The following CNN2 variants were observed in gnomAD, a reference collection of about 807,000 sequenced individuals.
CNN2 encodes the protein calponin 2.
In CNN2, 21 loss-of-function variants were observed where a neutral mutation model predicts 31.0. That is an observed-to-expected ratio of 0.68 (90% CI 0.48 to 0.98). The LOEUF (loss-of-function observed/expected upper bound fraction) is 0.98, where lower values mean the gene tolerates loss of function less well. CNN2 is among the 50% of genes least tolerant of loss of function. The pLI is 0.00. For synonymous variants in CNN2, 165 were observed against 179.6 expected, an observed-to-expected ratio of 0.92 and a Z score of 0.65; for missense variants, 399 against 427.3, an observed-to-expected ratio of 0.93 and a Z score of 0.58.
intron 4 of CNN2, 96 bp downstream of exon 4, chr19:1,032,792 T>G: frequency 9.9e-7 from 1 of 1,007,288 alleles, no homozygotes; most frequent in Non-Finnish European, 1.5e-6. Context: ...TGTTTGTTTA[T>G]TTTTGAGTCG....
rs533216399 is a variant in CNN2, at chr19:1,035,953, A to T, written c.391-177A>T. 4.0e-4 allele frequency: 359 copies of T among 895,886 alleles called. 1 individual carries two copies. Among genetic ancestry groups the T allele is most frequent in the Admixed American group, 5.2e-4 (14 of 26,796 alleles). The allele number at this position is 895,886 out of a possible 1,614,324, so 55.5% of individuals were successfully genotyped here. On this transcript the variant is annotated intron_variant, in intron 4 of 6. Coordinates refer to ENST00000263097, the MANE Select transcript of CNN2 (RefSeq NM_004368.4). The stretch of plus-strand genomic sequence containing the variant: ...AAAAATAAAAAACTGAAACAGCTGT[A>T]TGATGGGTGTGTGGAGTGTGTGGAG...
chr19:1,037,471 C>G, intron 6 of CNN2, 154 bp from the exon 7 acceptor site: 1 of 910,078 alleles, frequency 1.1e-6, no homozygotes, highest in East Asian at 2.5e-5. Flanking sequence ...AGGGTTTCAC[C>G]GTGTTGGCCA....
At chr19:1,035,187 C>T (rs2039560510) in intron 4 of CNN2, among the ~76,000 whole-genome samples, 2 of 117,084 alleles carry the variant, frequency 1.7e-5, no homozygotes, top group Non-Finnish European at 3.6e-5. Flanking sequence ...AGACGGGGAG[C>T]GTGGGTGGGA....
chr19:1,033,647 G>T (rs941136597), intron 4 of CNN2, among the ~76,000 whole-genome samples: 2 of 148,780 alleles, frequency 1.3e-5, no homozygotes, highest in Non-Finnish European at 3.0e-5. Context: ...CGGGAGCGTG[G>T]GTGGGACAGT....
Position 1,038,775 on chromosome 19 carries a change from T to G in CNN2, c.*875T>G, listed in dbSNP as rs1265801617. 1 of 152,358 alleles carries G rather than the reference T, an allele frequency of 6.6e-6. No individual in the cohort carries two copies. Among genetic ancestry groups the G allele is most frequent in the Non-Finnish European group, 1.5e-5 (1 of 68,156 alleles). The allele number at this position is 152,358 out of a possible 1,614,324, so 9.4% of individuals were successfully genotyped here. On this transcript the variant is annotated 3_prime_UTR_variant, in exon 7 of 7. Transcript: ENST00000263097. ...TTAGTAGAGATGGGGTTTCCCCATG[T>G]TGGCCAGGCTGGTCTCGAACTCCTG...
rs571874121 is a variant in CNN2 at position 1,026,965 on chromosome 19, C to G, written c.63+241C>G. 753 of 491,834 alleles carry G rather than the reference C, an allele frequency of 1.5e-3. 4 individuals carry two copies. Among genetic ancestry groups the G allele is most frequent in the African/African-American group, 0.012 (600 of 48,490 alleles). The allele number at this position is 491,834 out of a possible 1,614,324, so 30.5% of individuals were successfully genotyped here. A position where few individuals can be genotyped will look rare whatever the true frequency, so the allele number is the denominator to read the frequency against. ...GGGGGACGAGTGACCCATTCCCCCC[C>G]CCAACATCTAGGGGTAGTTGGGTCT... On this transcript the variant is annotated intron_variant, in intron 1 of 6. Transcript: ENST00000263097.
chr19:1,032,872 A>G (rs4630683), intron 4 of CNN2, 176 bp downstream of exon 4: 517,111 of 561,500 alleles, frequency 0.92, 238,433 homozygotes, highest in East Asian at 1. Flanking sequence ...TCCAACTCCC[A>G]GGTTCAAGCG....
At chr19:1,030,478 G>T (rs7255427) in intron 1 of CNN2, among the ~76,000 whole-genome samples, 32,019 of 151,824 alleles carry the variant, frequency 0.21, 4,203 homozygotes, top group African/African-American at 0.37. Flanking sequence ...TACAAAAAAT[G>T]AGCTGGGCCT....
At chr19:1,026,963 C>A in intron 1 of CNN2, 2 of 491,306 alleles carry the variant, frequency 4.1e-6, no homozygotes, top group East Asian at 3.9e-5. Flanking sequence ...CCCATTCCCC[C>A]CCCCAACATC....
chr19:1,026,823 G>C (rs1216240280), intron 1 of CNN2, 99 bp downstream of exon 1: 1 of 1,175,170 alleles, frequency 8.5e-7, no homozygotes, highest in Non-Finnish European at 1.2e-6. Context: ...CCCGGGCAGG[G>C]AGCTTGGAGA....
chr19:1,032,769 G>A (rs774330642), intron 4 of CNN2, 73 bp downstream of exon 4: 13 of 1,211,634 alleles, frequency 1.1e-5, no homozygotes, highest in African/African-American at 7.6e-5. Context: ...GCATTCACTC[G>A]TTTGCAAATT....
At chr19:1,032,250 AAGAGTGGAAACT>A in intron 2 of CNN2, 130 bp from the exon 3 acceptor site, 1 of 955,808 alleles carries the variant, frequency 1.0e-6, no homozygotes, top group South Asian at 1.6e-5. Flanking sequence ...AAAAAAAAAA[AAGAGTGGAAACT>A]GAGGCCCAGA....
At chr19:1,035,707 G>GC (rs1345436342) in intron 4 of CNN2, among the ~76,000 whole-genome samples, 1 of 152,168 alleles carries the variant, frequency 6.6e-6, no homozygotes, top group East Asian at 1.9e-4. Context: ...TGGATAACTT[G>GC]AGGCCAGGAG....
chr19:1,037,576 T>A lies in CNN2; in HGVS notation c.655-49T>A, dbSNP rs1391709533. 1.0e-5 allele frequency: 16 copies of A among 1,587,702 alleles called. No individual in the cohort carries two copies. In the Admixed American group the frequency reaches 2.2e-4, roughly 22 times the overall value. On this transcript the variant is annotated intron_variant, in intron 6 of 6. Coordinates refer to ENST00000263097, the MANE Select transcript of CNN2 (RefSeq NM_004368.4). ...CGTGAGCCAGTGCACCCAGTGAAGGTCCCCTCTTCTCTCCACCATGACCTG... is the reference window on the plus strand; with the variant it reads ...CGTGAGCCAGTGCACCCAGTGAAGGACCCCTCTTCTCTCCACCATGACCTG...
intron 6 of CNN2, 171 bp downstream of exon 6, chr19:1,036,733 C>T (rs1341074789): frequency 3.8e-6 from 3 of 786,234 alleles, no homozygotes; most frequent in Non-Finnish European, 6.3e-6. Context: ...TGGATTTCAG[C>T]CTCTGTCATT....
chr19:1,028,734 G>T (rs1490246723), intron 1 of CNN2, among the ~76,000 whole-genome samples: 1 of 152,142 alleles, frequency 6.6e-6, no homozygotes. Flanking sequence ...GGCAGCGGCT[G>T]GGGGTGGGGC....
Position 1,038,066 on chromosome 19 carries a change from G to T in CNN2, c.*166G>T, listed in dbSNP as rs2039629441. 1 of 720,532 alleles carries T rather than the reference G, an allele frequency of 1.4e-6. No homozygotes were observed. Among genetic ancestry groups the T allele is most frequent in the Non-Finnish European group, 2.2e-6 (1 of 454,948 alleles). The allele number at this position is 720,532 out of a possible 1,614,324, so 44.6% of individuals were successfully genotyped here. On this transcript the variant is annotated 3_prime_UTR_variant, in exon 7 of 7. Coordinates refer to ENST00000263097, the MANE Select transcript of CNN2 (RefSeq NM_004368.4). The stretch of plus-strand genomic sequence containing the variant: ...AGGCAGCAGAGCTTTTTTCCCCTTT[G>T]CCTTGATCCTTCGCAAGGCTGAGCC...
intron 4 of CNN2, 193 bp downstream of exon 4, chr19:1,032,889 C>G: frequency 1.9e-6 from 1 of 526,168 alleles, no homozygotes; most frequent in Admixed American, 3.1e-5. Context: ...AGCGATTCTT[C>G]TGCCTCAGTC....
intron 2 of CNN2, among the ~76,000 whole-genome samples, chr19:1,032,191 T>G (rs953147948): frequency 2.8e-5 from 4 of 143,568 alleles, no homozygotes; most frequent in Non-Finnish European, 6.0e-5. Context: ...GTCTAGATAG[T>G]GCCATTGCAC....
Sources: allele counts gnomAD v4.1 joint callset (sites outside exome capture counted in the v4.1 genomes callset), GRCh38; gene constraint gnomAD v4.1.1; transcripts MANE v1.5; gene names NCBI Gene and HGNC (gene_info 2026-07-23, HGNC 2026-07-21).